The following DRGX variants were observed in gnomAD, a reference collection of about 807,000 sequenced individuals.
DRGX encodes the protein dorsal root ganglia homeobox.
A neutral mutation model predicts 28.6 loss-of-function variants in DRGX; 21 were observed. The observed-to-expected ratio is 0.73, with a 90% confidence interval of 0.52 to 1.06. The LOEUF (loss-of-function observed/expected upper bound fraction) is 1.06. Among genes scored for constraint, DRGX ranks in the 50% least tolerant of loss-of-function variants. The probability of loss-of-function intolerance (pLI) is 0.00; values close to 1 mark genes in which losing one functional copy is unlikely to be tolerated. For synonymous variants in DRGX, 136 were observed against 139.1 expected (o/e 0.98, Z 0.16); for missense variants, 354 against 343.9 (o/e 1.03, Z -0.23).
chr10:49,378,785 A>G (rs1000943126), intron 6 of DRGX, among the ~76,000 whole-genome samples: 1 of 152,228 alleles, frequency 6.6e-6, no homozygotes, highest in Admixed American at 6.5e-5. Flanking sequence ...TAATTGCAAC[A>G]AATCTTGTAA....
intron 6 of DRGX, among the ~76,000 whole-genome samples, chr10:49,378,143 A>G (rs1411248893): frequency 6.6e-6 from 1 of 152,212 alleles, no homozygotes; most frequent in Non-Finnish European, 1.5e-5. Context: ...TTACAGAAGA[A>G]GTGATGAAAT....
chr10:49,366,007 G>A lies in DRGX; in HGVS notation c.*109C>T, dbSNP rs1322848145. 2.2e-6 allele frequency: 3 copies of A among 1,355,244 alleles called. No homozygotes were observed. Among genetic ancestry groups the A allele is most frequent in the Non-Finnish European group, 2.9e-6 (3 of 1,028,090 alleles). 84.0% of individuals were successfully genotyped at this position (1,355,244 alleles called of 1,614,324 possible). ...TTGCCCGTCCTGGGTCCATGCAGAG[G>A]CCCTGGGGCCGCAGGCTTCTCCTTG... On this transcript the variant is annotated 3_prime_UTR_variant, in exon 7 of 7. Transcript: ENST00000374139.
At chr10:49,382,792 C>A (rs1231810577) in intron 6 of DRGX, among the ~76,000 whole-genome samples, 1 of 152,260 alleles carries the variant, frequency 6.6e-6, no homozygotes, top group East Asian at 1.9e-4. Context: ...CCATTCCCTA[C>A]ACCCAGAATC....
chr10:49,368,859 G>C (rs977219254), intron 6 of DRGX, among the ~76,000 whole-genome samples: 1 of 152,222 alleles, frequency 6.6e-6, no homozygotes, highest in African/African-American at 2.4e-5. Context: ...TAAAAAGAAG[G>C]AAGGCTAAAG....
chr10:49,387,054 T>C (rs1397630340), intron 4 of DRGX, among the ~76,000 whole-genome samples, 196 bp from the exon 5 acceptor site: 2 of 152,186 alleles, frequency 1.3e-5, no homozygotes, highest in African/African-American at 4.8e-5. Flanking sequence ...TTTTAATGAA[T>C]GTTAAATAAT....
At chr10:49,372,047 A>ATTT (rs1849664874) in intron 6 of DRGX, among the ~76,000 whole-genome samples, 1 of 152,168 alleles carries the variant, frequency 6.6e-6, no homozygotes, top group South Asian at 2.1e-4. Context: ...AATAACCTGG[A>ATTT]GCCATTTGCA....
intron 4 of DRGX, among the ~76,000 whole-genome samples, chr10:49,387,818 T>A (rs76306084): frequency 6.6e-6 from 1 of 152,158 alleles, no homozygotes; most frequent in African/African-American, 2.4e-5. Context: ...ATTTTTCAGA[T>A]GAGAAAATTA....
intron 2 of DRGX, among the ~76,000 whole-genome samples, chr10:49,393,888 C>T (rs1192421390): frequency 6.6e-6 from 1 of 152,218 alleles, no homozygotes; most frequent in African/African-American, 2.4e-5. Context: ...CAGGACTCTC[C>T]CTAACTCACT....
chr10:49,379,245 G>A (rs966652462), intron 6 of DRGX, among the ~76,000 whole-genome samples: 2 of 152,210 alleles, frequency 1.3e-5, no homozygotes, highest in African/African-American at 4.8e-5. Context: ...GCAGAGCGGT[G>A]TCTTTTGCTG....
intron 6 of DRGX, among the ~76,000 whole-genome samples, chr10:49,368,219 G>A (rs1849619291): frequency 6.6e-6 from 1 of 152,236 alleles, no homozygotes. Context: ...GATTTGCACA[G>A]TTTATTGTAG....
intron 6 of DRGX, among the ~76,000 whole-genome samples, chr10:49,371,415 G>A (rs1849658201): frequency 1.3e-5 from 2 of 152,174 alleles, no homozygotes; most frequent in African/African-American, 2.4e-5. Flanking sequence ...CACTTTGGGA[G>A]GCTGAGGTGG....
At position 49,386,521 on chromosome 10, in the gene DRGX, C is replaced by A. The variant is rs1309953171; in HGVS notation, c.483G>T (p.Thr161=). 2 of 1,588,796 alleles carry A rather than the reference C, an allele frequency of 1.3e-6. No individual in the cohort carries two copies. The highest frequency in any genetic ancestry group is 1.8e-5 in the Admixed American group (1 of 56,274). The change falls in exon 6 of 7, where the codon ACG becomes ACT. Residue 161 remains threonine (T), a synonymous_variant. Coordinates refer to ENST00000374139, the MANE Select transcript of DRGX (RefSeq NM_001276451.2). ...PSCLPGTLLN[T]ATYAQALSHV... Reference sequence around the variant, plus strand: ...GGGACAAGGCCTGGGCGTAGGTGGCCGTGTTCAGGAGAGTCCCCGGCAAGC... The same window carrying A: ...GGGACAAGGCCTGGGCGTAGGTGGCAGTGTTCAGGAGAGTCCCCGGCAAGC...
At chr10:49,369,032 C>T (rs1464565452) in intron 6 of DRGX, among the ~76,000 whole-genome samples, 3 of 152,156 alleles carry the variant, frequency 2.0e-5, no homozygotes, top group Non-Finnish European at 4.4e-5. Context: ...CAGTCAAGAG[C>T]TTGCTCCAAT....
At chr10:49,370,447 C>T (rs1004146663) in intron 6 of DRGX, among the ~76,000 whole-genome samples, 6 of 152,198 alleles carry the variant, frequency 3.9e-5, no homozygotes, top group African/African-American at 1.2e-4. Flanking sequence ...CAACAGGTGC[C>T]GTCGCTCCCT....
intron 4 of DRGX, among the ~76,000 whole-genome samples, chr10:49,388,118 G>A (rs1849860524): frequency 6.6e-6 from 1 of 152,190 alleles, no homozygotes; most frequent in African/African-American, 2.4e-5. Flanking sequence ...CCTTCTTAGA[G>A]GTAGGTGCAG....
At chr10:49,368,820 G>T (rs1436639777) in intron 6 of DRGX, among the ~76,000 whole-genome samples, 1 of 152,194 alleles carries the variant, frequency 6.6e-6, no homozygotes, top group Non-Finnish European at 1.5e-5. Context: ...TTTAAACTTA[G>T]AAACATAATG....
intron 4 of DRGX, among the ~76,000 whole-genome samples, chr10:49,389,313 A>G (rs964419027): frequency 6.6e-6 from 1 of 152,226 alleles, no homozygotes; most frequent in Non-Finnish European, 1.5e-5. Context: ...GGGAACCGAA[A>G]GCAAACTATT....
At chr10:49,383,965 A>G (rs1280387918) in intron 6 of DRGX, among the ~76,000 whole-genome samples, 2 of 152,256 alleles carry the variant, frequency 1.3e-5, no homozygotes, top group Non-Finnish European at 2.9e-5. Context: ...TACTCTGGAA[A>G]ATGCAGCAAT....
chr10:49,379,252 G>A (rs139127979), intron 6 of DRGX, among the ~76,000 whole-genome samples: 28 of 152,288 alleles, frequency 1.8e-4, no homozygotes, highest in African/African-American at 6.5e-4. Flanking sequence ...GGTGTCTTTT[G>A]CTGGGAAGAA....
Sources: allele counts gnomAD v4.1 joint callset (sites outside exome capture counted in the v4.1 genomes callset), GRCh38; gene constraint gnomAD v4.1.1; transcripts MANE v1.5; gene names NCBI Gene and HGNC (gene_info 2026-07-23, HGNC 2026-07-21).